The following ZPLD1 variants were observed in gnomAD, a reference collection of about 807,000 sequenced individuals.
The protein encoded by ZPLD1 is zona pellucida like domain containing 1.
A neutral mutation model predicts 47.2 loss-of-function variants in ZPLD1; 34 were observed. That is an observed-to-expected ratio of 0.72 (90% CI 0.55 to 0.96). The LOEUF is 0.96. Among genes scored for constraint, ZPLD1 ranks in the 40% least tolerant of loss-of-function variants. The probability of loss-of-function intolerance (pLI) is 0.00; values close to 1 mark genes in which losing one functional copy is unlikely to be tolerated. For synonymous variants in ZPLD1, 176 were observed against 186.2 expected (o/e 0.95, Z 0.45); for missense variants, 512 against 505.8 (o/e 1.01, Z -0.12).
chr3:102,404,006 T>A (rs1323721752), intron 7 of ZPLD1, among the ~76,000 whole-genome samples: 1 of 151,984 alleles, frequency 6.6e-6, no homozygotes. Context: ...CTTCACTAGT[T>A]GCCCAGATGG....
At chr3:102,447,141 C>T (rs567945142) in intron 3 of ZPLD1, among the ~76,000 whole-genome samples, 1 of 152,302 alleles carries the variant, frequency 6.6e-6, no homozygotes, top group South Asian at 2.1e-4. Context: ...TCTCGGCTCA[C>T]TGCAACCTCT....
At chr3:102,464,872 G>A (rs531492189) in intron 8 of ZPLD1, among the ~76,000 whole-genome samples, 38 of 152,198 alleles carry the variant, frequency 2.5e-4, no homozygotes, top group Middle Eastern at 3.4e-3. Flanking sequence ...TTTTTTATCT[G>A]ACAGCTGAAC....
chr3:102,400,659 CATTTATT>C, intron 7 of ZPLD1, among the ~76,000 whole-genome samples: 1 of 152,032 alleles, frequency 6.6e-6, no homozygotes. Flanking sequence ...TGTACTTTAT[CATTTATT>C]ATTTATTTAA....
chr3:102,477,566 AGGGACC>A lies in ZPLD1; in HGVS notation c.1197_1202del (p.Lys399_Pro401delinsAsn). 4 of 1,613,732 alleles carry A rather than the reference AGGGACC, an allele frequency of 2.5e-6. No individual in the cohort carries two copies. The highest frequency in any genetic ancestry group is 3.4e-6 in the Non-Finnish European group (4 of 1,179,726). ...TGCTCACTGGCCCTTCTGCACAGGA[AGGGACC>A]CACAAGTTTAGTGTTGAATGGCATA... On this transcript the variant is annotated inframe_deletion, in exon 12 of 12. Coordinates refer to ENST00000466937, the MANE Select transcript of ZPLD1 (RefSeq NM_001329788.2).
intron 7 of ZPLD1, among the ~76,000 whole-genome samples, chr3:102,407,886 C>A (rs934816641): frequency 6.6e-6 from 1 of 151,686 alleles, no homozygotes; most frequent in South Asian, 2.1e-4. Flanking sequence ...CCTTTCAGCA[C>A]GATGCAATGA....
chr3:102,467,514 A>G (rs1707614747), intron 8 of ZPLD1, among the ~76,000 whole-genome samples: 2 of 152,122 alleles, frequency 1.3e-5, no homozygotes, highest in South Asian at 2.1e-4. Context: ...AAACTGAGAA[A>G]TAGATCCCCA....
chr3:102,451,119 A>G (rs894220503), intron 3 of ZPLD1, among the ~76,000 whole-genome samples: 10 of 152,206 alleles, frequency 6.6e-5, no homozygotes, highest in African/African-American at 2.4e-4. Flanking sequence ...ACTTATTACA[A>G]AACATAGACA....
At chr3:102,411,681 T>C (rs1037119575) in intron 7 of ZPLD1, among the ~76,000 whole-genome samples, 4 of 151,768 alleles carry the variant, frequency 2.6e-5, no homozygotes, top group Non-Finnish European at 5.9e-5. Flanking sequence ...TCAACTCAAA[T>C]AGAATGAAGT....
At chr3:102,414,672 T>C (rs750512834) in intron 7 of ZPLD1, among the ~76,000 whole-genome samples, 22 of 151,856 alleles carry the variant, frequency 1.4e-4, no homozygotes, top group Non-Finnish European at 2.7e-4. Context: ...GAAGAAATTA[T>C]AGTACAATAA....
chr3:102,467,181 C>A (rs1707607953), intron 8 of ZPLD1, among the ~76,000 whole-genome samples: 1 of 151,956 alleles, frequency 6.6e-6, no homozygotes, highest in Admixed American at 6.6e-5. Flanking sequence ...ATAACGATAT[C>A]AAAAACCAGA....
At chr3:102,443,184 G>C (rs988820578) in intron 3 of ZPLD1, among the ~76,000 whole-genome samples, 1 of 152,112 alleles carries the variant, frequency 6.6e-6, no homozygotes, top group Non-Finnish European at 1.5e-5. Flanking sequence ...TTTATGGCTT[G>C]ACACTGTCTT....
At chr3:102,395,599 T>C (rs918781699) in intron 7 of ZPLD1, among the ~76,000 whole-genome samples, 3 of 152,148 alleles carry the variant, frequency 2.0e-5, no homozygotes, top group Non-Finnish European at 4.4e-5. Context: ...TAAGATCAAT[T>C]TGGGCTTCTG....
chr3:102,388,682 T>C (rs1016446563), intron 6 of ZPLD1, among the ~76,000 whole-genome samples: 8 of 152,178 alleles, frequency 5.3e-5, no homozygotes, highest in African/African-American at 1.9e-4. Flanking sequence ...TATTTAAAAA[T>C]AAAGCAATAT....
chr3:102,446,145 G>A (rs1330080541), intron 3 of ZPLD1, among the ~76,000 whole-genome samples: 2 of 152,148 alleles, frequency 1.3e-5, no homozygotes, highest in Admixed American at 6.5e-5. Flanking sequence ...AATATTTGCT[G>A]AGTATTTGTT....
At position 102,469,133 on chromosome 3, in the gene ZPLD1, C is replaced by A; in HGVS notation, c.931C>A (p.Pro311Thr). Residue 311 changes from proline to threonine, a missense_variant and splice_region_variant, in exon 9 of 12, where the codon CCG becomes ACG. By Grantham distance (38) the Pro-to-Thr change is conservative. Coordinates refer to ENST00000466937, the MANE Select transcript of ZPLD1 (RefSeq NM_001329788.2). Reference sequence around the variant, plus strand: ...AGCAGATGACTGCCCCTTCCTTATGCCGGTATGTTTTTAAGGAACTTCATT... The same window carrying A: ...AGCAGATGACTGCCCCTTCCTTATGACGGTATGTTTTTAAGGAACTTCATT... ...CRADDCPFLM[P>T]ICSHRERRDA... 1 of 1,605,884 alleles carries A rather than the reference C, an allele frequency of 6.2e-7. No individual in the cohort carries two copies. The highest frequency in any genetic ancestry group is 8.5e-7 in the Non-Finnish European group (1 of 1,177,230).
At chr3:102,414,528 G>T (rs1374509498) in intron 7 of ZPLD1, among the ~76,000 whole-genome samples, 5 of 151,890 alleles carry the variant, frequency 3.3e-5, no homozygotes, top group Non-Finnish European at 7.4e-5. Context: ...AAATAAGTAA[G>T]CTTAAGTAAT....
chr3:102,410,346 C>T (rs1706736020), intron 7 of ZPLD1, among the ~76,000 whole-genome samples: 1 of 151,660 alleles, frequency 6.6e-6, no homozygotes, highest in Non-Finnish European at 1.5e-5. Context: ...ACATGCATTA[C>T]TTTACTTTTG....
At chr3:102,416,112 G>T (rs1244567368) in intron 7 of ZPLD1, among the ~76,000 whole-genome samples, 2 of 151,872 alleles carry the variant, frequency 1.3e-5, no homozygotes, top group African/African-American at 4.8e-5. Context: ...TCCCTGATAA[G>T]GGGCTCAATG....
chr3:102,412,692 T>C (rs1576131577), intron 7 of ZPLD1, among the ~76,000 whole-genome samples: 1 of 151,772 alleles, frequency 6.6e-6, no homozygotes, highest in Non-Finnish European at 1.5e-5. Context: ...AATTTGCTGA[T>C]AGTCATAGTT....
Sources: allele counts gnomAD v4.1 joint callset (sites outside exome capture counted in the v4.1 genomes callset), GRCh38; gene constraint gnomAD v4.1.1; transcripts MANE v1.5; gene names NCBI Gene and HGNC (gene_info 2026-07-23, HGNC 2026-07-21).